Variants in N4BP2 observed in about 807,000 individuals in gnomAD.
The protein encoded by N4BP2 is NEDD4 binding protein 2.
A neutral mutation model predicts 152.8 loss-of-function variants in N4BP2; 91 were observed. The observed-to-expected ratio is 0.60, with a 90% CI of 0.50 to 0.71. N4BP2 has a LOEUF of 0.71. N4BP2 is among the 30% of genes least tolerant of loss of function. N4BP2 has a pLI of 0.00. For synonymous variants in N4BP2, 646 were observed against 705.3 expected, an observed-to-expected ratio of 0.92 and a Z score of 1.33; for missense variants, 1,923 against 2,059.1, an observed-to-expected ratio of 0.93 and a Z score of 1.28.
At chr4:40,145,908 A>G (rs1200289276) in intron 16 of N4BP2, among the ~76,000 whole-genome samples, 1 of 152,156 alleles carries the variant, frequency 6.6e-6, no homozygotes, top group Non-Finnish European at 1.5e-5. Context: ...CATGCCTGTA[A>G]TCCCAGCACT....
At position 40,106,974 on chromosome 4, in the gene N4BP2, A is replaced by G; in HGVS notation, c.1448A>G (p.Gln483Arg). ...TATTTTTATATAAATGGACAGTACC[A>G]GTTTGATGTAAAGTACTTAGGAGAA... ...DDYFYINGQY[Q>R]FDVKYLGEAH... The change falls in exon 5 of 18, where the codon CAG becomes CGG. Residue 483 changes from glutamine (Q) to arginine (R), a missense_variant. Transcript: ENST00000261435. The G allele has an allele frequency of 6.2e-7, 1 of 1,613,318 alleles. No homozygotes were observed.
the N4BP2 span, among the ~76,000 whole-genome samples, chr4:40,171,344 A>G: frequency 6.6e-6 from 1 of 152,110 alleles, no homozygotes; most frequent in East Asian, 1.9e-4. Flanking sequence ...CTTGTTTTCT[A>G]CTTATTGCTG....
At chr4:40,143,787 G>C (rs1579134493) in intron 15 of N4BP2, among the ~76,000 whole-genome samples, 1 of 152,084 alleles carries the variant, frequency 6.6e-6, no homozygotes, top group African/African-American at 2.4e-5. Context: ...CATTATCAAA[G>C]GATACACAAA....
intron 5 of N4BP2, among the ~76,000 whole-genome samples, chr4:40,110,928 C>T (rs1281181849): frequency 1.3e-5 from 2 of 152,172 alleles, no homozygotes; most frequent in Admixed American, 6.5e-5. Context: ...AAATAAATTA[C>T]TTGTAAGACT....
At chr4:40,092,008 TTATATATATA>T (rs1221314746) in intron 2 of N4BP2, among the ~76,000 whole-genome samples, 62 of 27,208 alleles carry the variant, frequency 2.3e-3, no homozygotes, top group East Asian at 5.7e-3. Context: ...AAAAAAAAAA[TTATATATATA>T]TATATATATA....
chr4:40,146,533 A>AT (rs1033643737), intron 16 of N4BP2, among the ~76,000 whole-genome samples: 1 of 152,164 alleles, frequency 6.6e-6, no homozygotes, highest in African/African-American at 2.4e-5. Context: ...TATTACTCTT[A>AT]TTTTTTTGAC....
downstream of N4BP2, among the ~76,000 whole-genome samples, chr4:40,161,507 C>T (rs931719587): frequency 2.0e-5 from 3 of 152,154 alleles, no homozygotes; most frequent in Admixed American, 6.5e-5. Context: ...AAAAACTTGA[C>T]AATCACACGA....
intron 8 of N4BP2, among the ~76,000 whole-genome samples, chr4:40,119,236 A>G (rs1306083801): frequency 6.6e-6 from 1 of 152,096 alleles, no homozygotes; most frequent in Admixed American, 6.6e-5. Flanking sequence ...CACATAGAAA[A>G]CTCAGCGTTA....
intron 2 of N4BP2, 106 bp from the exon 3 acceptor site, chr4:40,097,121 C>A: frequency 2.1e-6 from 1 of 467,186 alleles, no homozygotes; most frequent in Non-Finnish European, 3.8e-6. Flanking sequence ...TTTAGCTCTG[C>A]TGTTAGAGTT....
intron 5 of N4BP2, among the ~76,000 whole-genome samples, chr4:40,110,155 C>A (rs1454144825): frequency 6.6e-6 from 1 of 152,172 alleles, no homozygotes; most frequent in African/African-American, 2.4e-5. Flanking sequence ...GTGTTTCATT[C>A]CTTTATATGG....
intron 16 of N4BP2, among the ~76,000 whole-genome samples, chr4:40,150,452 A>G (rs1721045634): frequency 6.6e-6 from 1 of 152,190 alleles, no homozygotes; most frequent in African/African-American, 2.4e-5. Flanking sequence ...AGATCACTTG[A>G]GGTCAGGAGT....
intron 2 of N4BP2, among the ~76,000 whole-genome samples, chr4:40,095,063 CCT>C (rs1315495371): frequency 6.6e-6 from 1 of 150,890 alleles, no homozygotes; most frequent in African/African-American, 2.4e-5. Flanking sequence ...GTCGCGAGCC[CCT>C]GAGTCTGGCC....
chr4:40,065,222 A>G (rs555658192), intron 1 of N4BP2, among the ~76,000 whole-genome samples: 2 of 152,310 alleles, frequency 1.3e-5, no homozygotes, highest in South Asian at 4.1e-4. Flanking sequence ...GAAGTCCTTG[A>G]GTGCTTTATC....
rs1560588709 is a variant in N4BP2 at position 40,097,390 on chromosome 4, C to T, written c.50C>T (p.Ala17Val). The T allele has an allele frequency of 6.2e-7, 1 of 1,613,974 alleles. No homozygotes were observed. Among genetic ancestry groups the T allele is most frequent in the African/African-American group, 1.3e-5 (1 of 74,916 alleles). ...GGGGGAAATCCTTTTCGGAAGACTG[C>T]AAACCCTAAGGAAGTTGTCGTATCC... is the stretch of plus-strand genomic sequence containing the variant. ...NLGGNPFRKT[A>V]NPKEVVVSSV... is the part of the protein sequence containing the mutation. Residue 17 changes from alanine to valine, a missense_variant, in exon 3 of 18, where the codon GCA (alanine) becomes GTA (valine). By Grantham distance (64) the Ala-to-Val change is moderately conservative. Transcript: ENST00000261435.
At chr4:40,166,268 C>T in the N4BP2 span, among the ~76,000 whole-genome samples, 1 of 152,198 alleles carries the variant, frequency 6.6e-6, no homozygotes, top group East Asian at 1.9e-4. Context: ...CTGTAAGAAA[C>T]TGAACAGCAG....
At position 40,132,466 on chromosome 4, in the gene N4BP2, C is replaced by T. The variant is rs150994154; in HGVS notation, c.4646+547C>T. 4.4e-3 allele frequency among the ~76,000 whole-genome samples: 669 copies of T among 152,186 alleles called. 4 individuals carry two copies. The highest frequency in any genetic ancestry group is 0.015 in the African/African-American group (630 of 41,542). On this transcript the variant is annotated intron_variant, in intron 13 of 17. Transcript: ENST00000261435. ...TGAGCTAGAGATTTAACTTGTCTTT[C>T]CAAATGACTAACCAAATGAATGGAT...
chr4:40,144,582 C>A, intron 15 of N4BP2, 50 bp from the exon 16 acceptor site: 2 of 1,464,634 alleles, frequency 1.4e-6, no homozygotes, highest in South Asian at 1.4e-5. Context: ...TCCTCATCAC[C>A]CAAGTAGCAA....
chr4:40,178,472 G>C, the N4BP2 span, among the ~76,000 whole-genome samples: 3 of 151,998 alleles, frequency 2.0e-5, no homozygotes, highest in Admixed American at 1.3e-4. Context: ...GCACAAGAAA[G>C]GTACTCACAG....
At chr4:40,159,682 A>C (rs569565519), downstream of N4BP2, among the ~76,000 whole-genome samples, 1 of 152,002 alleles carries the variant, frequency 6.6e-6, no homozygotes, top group Non-Finnish European at 1.5e-5. Context: ...AGGCTGGGAA[A>C]TTTTCTATTT....
Sources: allele counts gnomAD v4.1 joint callset (sites outside exome capture counted in the v4.1 genomes callset), GRCh38; gene constraint gnomAD v4.1.1; transcripts MANE v1.5; gene names NCBI Gene and HGNC (gene_info 2026-07-23, HGNC 2026-07-21).